Variants in HDAC9 observed in about 807,000 individuals in gnomAD.
HDAC9 encodes the protein histone deacetylase 9.
In HDAC9, 41 loss-of-function variants were observed where a neutral mutation model predicts 139.4. The observed-to-expected ratio is 0.29, with a 90% CI of 0.23 to 0.38. The LOEUF (loss-of-function observed/expected upper bound fraction) is 0.38, where lower values mean the gene tolerates loss of function less well. HDAC9 is among the 10% of genes least tolerant of loss of function. The pLI is 1.00. For synonymous variants in HDAC9, 517 were observed against 476.2 expected (o/e 1.09, Z -1.12); for missense variants, 1,147 against 1,297.0 (o/e 0.88, Z 1.78).
At chr7:18,130,823 G>C (rs1784954051) in intron 1 of HDAC9, among the ~76,000 whole-genome samples, 1 of 151,988 alleles carries the variant, frequency 6.6e-6, no homozygotes, top group African/African-American at 2.4e-5. Flanking sequence ...TTGCTCCCAA[G>C]TTACCGCAGT....
intron 22 of HDAC9, among the ~76,000 whole-genome samples, chr7:18,909,705 G>A (rs139483088): frequency 1.8e-3 from 272 of 151,958 alleles, no homozygotes; most frequent in Middle Eastern, 0.017. Flanking sequence ...ATTGCATGAT[G>A]CGGAGACTGT....
At chr7:18,594,337 C>T (rs1363631604) in intron 6 of HDAC9, among the ~76,000 whole-genome samples, 1 of 152,058 alleles carries the variant, frequency 6.6e-6, no homozygotes, top group African/African-American at 2.4e-5. Context: ...TCTAACTCTT[C>T]TCCATTAGAT....
At chr7:18,416,172 T>C (rs1213415912) in intron 1 of HDAC9, among the ~76,000 whole-genome samples, 1 of 152,006 alleles carries the variant, frequency 6.6e-6, no homozygotes, top group African/African-American at 2.4e-5. Context: ...GGCGCATGCC[T>C]GTAATCCCAG....
At chr7:18,751,334 C>T (rs1248476791) in intron 14 of HDAC9, among the ~76,000 whole-genome samples, 2 of 152,066 alleles carry the variant, frequency 1.3e-5, no homozygotes, top group East Asian at 3.9e-4. Flanking sequence ...AAGCCCAGGT[C>T]AGCAGATTTG....
At chr7:18,235,811 CTG>C (rs1012674750) in intron 2 of HDAC9, among the ~76,000 whole-genome samples, 15 of 152,190 alleles carry the variant, frequency 9.9e-5, no homozygotes, top group Non-Finnish European at 1.9e-4. Flanking sequence ...GAGACAAAGA[CTG>C]ATTATTTCTA....
chr7:18,170,785 G>A (rs1788369930), intron 2 of HDAC9, among the ~76,000 whole-genome samples: 2 of 152,118 alleles, frequency 1.3e-5, no homozygotes, highest in African/African-American at 4.8e-5. Flanking sequence ...TGAAGCATCT[G>A]TTCTGTTCCA....
intron 1 of HDAC9, among the ~76,000 whole-genome samples, chr7:18,344,103 G>T (rs1229327587): frequency 2.6e-5 from 4 of 151,748 alleles, no homozygotes; most frequent in African/African-American, 9.7e-5. Flanking sequence ...GCCTTTGACA[G>T]AAAATATTCA....
intron 2 of HDAC9, among the ~76,000 whole-genome samples, chr7:18,501,596 A>G (rs1219521089): frequency 6.6e-6 from 1 of 152,166 alleles, no homozygotes; most frequent in African/African-American, 2.4e-5. Context: ...AAATAAATAT[A>G]ACATCAGTGA....
chr7:18,201,938 G>A (rs1006496165), intron 2 of HDAC9, among the ~76,000 whole-genome samples: 14 of 152,184 alleles, frequency 9.2e-5, no homozygotes, highest in African/African-American at 2.7e-4. Flanking sequence ...CCATGGGAAC[G>A]TGCTCAGAAT....
chr7:18,268,141 A>C (rs1210364957), intron 2 of HDAC9, among the ~76,000 whole-genome samples: 1 of 152,152 alleles, frequency 6.6e-6, no homozygotes, highest in African/African-American at 2.4e-5. Context: ...TGAAACACTA[A>C]GCCTATTAGA....
intron 24 of HDAC9, among the ~76,000 whole-genome samples, chr7:18,970,829 G>T (rs1309996543): frequency 6.6e-6 from 1 of 152,114 alleles, no homozygotes; most frequent in Non-Finnish European, 1.5e-5. Context: ...GCAAATTTGA[G>T]AAGGAGTGAC....
intron 1 of HDAC9, among the ~76,000 whole-genome samples, chr7:18,122,712 A>T (rs1157555793): frequency 6.6e-6 from 1 of 152,046 alleles, no homozygotes; most frequent in Admixed American, 6.6e-5. Context: ...TCCACCTCCC[A>T]AGTTCAAGCG....
At chr7:18,851,030 G>A (rs1449677685) in intron 21 of HDAC9, among the ~76,000 whole-genome samples, 1 of 152,180 alleles carries the variant, frequency 6.6e-6, no homozygotes, top group African/African-American at 2.4e-5. Context: ...ACACATTTAG[G>A]CCATAGCAAT....
intron 17 of HDAC9, among the ~76,000 whole-genome samples, chr7:18,802,080 G>C (rs1166372383): frequency 6.6e-6 from 1 of 151,130 alleles, no homozygotes; most frequent in African/African-American, 2.4e-5. Flanking sequence ...TTTGGGGGGA[G>C]GTCATATATT....
intron 1 of HDAC9, among the ~76,000 whole-genome samples, chr7:18,339,814 A>T (rs1317073670): frequency 6.6e-6 from 1 of 151,528 alleles, no homozygotes; most frequent in East Asian, 1.9e-4. Flanking sequence ...AATGTGGTCT[A>T]TAAGACCACA....
chr7:18,504,419 C>T (rs1468896024), intron 2 of HDAC9, among the ~76,000 whole-genome samples: 1 of 152,184 alleles, frequency 6.6e-6, no homozygotes, highest in African/African-American at 2.4e-5. Context: ...ATTGTCCTGC[C>T]TCAGCCTCCC....
chr7:18,820,806 G>T (rs1794908485), intron 17 of HDAC9, among the ~76,000 whole-genome samples: 1 of 152,140 alleles, frequency 6.6e-6, no homozygotes, highest in Non-Finnish European at 1.5e-5. Context: ...AACAACAAAT[G>T]TATTAAATAA....
chr7:18,538,939 A>G (rs1466943114), intron 2 of HDAC9, among the ~76,000 whole-genome samples: 1 of 152,186 alleles, frequency 6.6e-6, no homozygotes, highest in East Asian at 1.9e-4. Flanking sequence ...TGTGTGATGC[A>G]GAGGCTATCA....
intron 22 of HDAC9, among the ~76,000 whole-genome samples, chr7:18,880,781 C>A (rs753010687): frequency 6.8e-6 from 1 of 146,704 alleles, no homozygotes; most frequent in Admixed American, 6.9e-5. Flanking sequence ...TTCACATGTA[C>A]CCCCAAATGT....
Sources: allele counts gnomAD v4.1 joint callset (sites outside exome capture counted in the v4.1 genomes callset), GRCh38; gene constraint gnomAD v4.1.1; transcripts MANE v1.5; gene names NCBI Gene and HGNC (gene_info 2026-07-23, HGNC 2026-07-21).